The following NAV2 variants were observed in gnomAD, a reference collection of about 807,000 sequenced individuals.
The protein encoded by NAV2 is neuron navigator 2.
In NAV2, 54 loss-of-function variants were observed where a neutral mutation model predicts 223.2. The ratio of observed to expected loss-of-function variants is 0.24; its 90% CI spans 0.19 to 0.30. The LOEUF (loss-of-function observed/expected upper bound fraction) is 0.30. NAV2 is among the 10% of genes least tolerant of loss of function. The pLI is 1.00. For missense variants in NAV2, 2,806 were observed against 3,147.5 expected, an observed-to-expected ratio of 0.89 and a Z score of 2.60; for synonymous variants, 1,279 against 1,239.3, an observed-to-expected ratio of 1.03 and a Z score of -0.67.
intron 1 of NAV2, among the ~76,000 whole-genome samples, chr11:19,525,958 G>T (rs1268620528): frequency 6.6e-6 from 1 of 152,106 alleles, no homozygotes; most frequent in Non-Finnish European, 1.5e-5. Flanking sequence ...TCGGGGACAG[G>T]TCCCACCTCT....
intron 1 of NAV2, among the ~76,000 whole-genome samples, chr11:19,425,133 C>T (rs936462281): frequency 1.3e-5 from 2 of 152,020 alleles, no homozygotes; most frequent in Admixed American, 1.3e-4. Flanking sequence ...TGGCAAGGCT[C>T]ATTATAGAGG....
intron 1 of NAV2, among the ~76,000 whole-genome samples, chr11:19,589,388 A>T (rs1471183059): frequency 6.6e-6 from 1 of 152,220 alleles, no homozygotes; most frequent in African/African-American, 2.4e-5. Context: ...AGTGGTTACA[A>T]TTCGGAGTGA....
intron 22 of NAV2, among the ~76,000 whole-genome samples, chr11:20,077,012 G>A (rs564965446): frequency 1.3e-5 from 2 of 152,206 alleles, no homozygotes; most frequent in African/African-American, 4.8e-5. Flanking sequence ...AGCAAACTAC[G>A]CCAACCATTT....
At chr11:19,795,888 G>T (rs576169533) in intron 1 of NAV2, among the ~76,000 whole-genome samples, 34 of 152,274 alleles carry the variant, frequency 2.2e-4, no homozygotes, top group Admixed American at 1.9e-3. Context: ...GCATGGTTAG[G>T]CAATATATAC....
At chr11:19,831,190 A>C (rs1017848884) in intron 1 of NAV2, among the ~76,000 whole-genome samples, 2 of 113,718 alleles carry the variant, frequency 1.8e-5, no homozygotes, top group Non-Finnish European at 3.3e-5. Context: ...GGCAAACCTG[A>C]CCCCGGCTCC....
intron 28 of NAV2, among the ~76,000 whole-genome samples, chr11:20,092,664 A>G (rs925524006): frequency 6.6e-6 from 1 of 152,134 alleles, no homozygotes; most frequent in African/African-American, 2.4e-5. Context: ...TGCAAGCTGA[A>G]TGCTGTACAC....
intron 1 of NAV2, among the ~76,000 whole-genome samples, chr11:19,821,016 A>C (rs868364300): frequency 6.6e-6 from 1 of 152,208 alleles, no homozygotes; most frequent in South Asian, 2.1e-4. Flanking sequence ...TAATCCCAGC[A>C]CTTTGGGAGG....
At chr11:20,106,183 G>GTGTGTGTGTGTGTGTGTA (rs1394737236) in intron 35 of NAV2, among the ~76,000 whole-genome samples, 29 of 25,514 alleles carry the variant, frequency 1.1e-3, no homozygotes, top group Non-Finnish European at 2.6e-3. Context: ...ATATGTGTGT[G>GTGTGTGTGTGTGTGTGTA]TATATATATA....
chr11:19,431,163 G>A (rs573620484), intron 1 of NAV2, among the ~76,000 whole-genome samples: 28 of 152,290 alleles, frequency 1.8e-4, no homozygotes, highest in Middle Eastern at 3.4e-3. Context: ...TGGTCTGATG[G>A]TACCAGGGAT....
chr11:19,653,032 C>A (rs1182620919), intron 1 of NAV2, among the ~76,000 whole-genome samples: 3 of 152,106 alleles, frequency 2.0e-5, no homozygotes, highest in African/African-American at 7.2e-5. Context: ...CCACAGACCC[C>A]AACTATGAAC....
At chr11:19,690,549 A>C (rs892769645) in intron 1 of NAV2, among the ~76,000 whole-genome samples, 1 of 152,238 alleles carries the variant, frequency 6.6e-6, no homozygotes, top group African/African-American at 2.4e-5. Context: ...AACACGTAAT[A>C]AGTGCTCAAA....
intron 12 of NAV2, among the ~76,000 whole-genome samples, chr11:20,037,860 C>A (rs1231285225): frequency 6.6e-6 from 1 of 151,978 alleles, no homozygotes; most frequent in Non-Finnish European, 1.5e-5. Context: ...TTTCCTGAGG[C>A]TCATTGTATA....
At chr11:19,824,002 T>C (rs1049993828) in intron 1 of NAV2, among the ~76,000 whole-genome samples, 1 of 152,098 alleles carries the variant, frequency 6.6e-6, no homozygotes, top group Non-Finnish European at 1.5e-5. Context: ...AAAATCCCAG[T>C]GGAATTGTTT....
intron 3 of NAV2, among the ~76,000 whole-genome samples, chr11:19,862,117 T>C (rs181092395): frequency 6.6e-6 from 1 of 152,266 alleles, no homozygotes; most frequent in South Asian, 2.1e-4. Context: ...AATTTGAGAA[T>C]CTTGCTTTCA....
chr11:19,957,215 C>T (rs78388494), intron 10 of NAV2, among the ~76,000 whole-genome samples: 1 of 152,202 alleles, frequency 6.6e-6, no homozygotes, highest in African/African-American at 2.4e-5. Context: ...TGGGCCAGAT[C>T]CTGTCTAGGG....
At position 19,876,277 on chromosome 11, in the gene NAV2, C is replaced by T. The variant is rs192808544; in HGVS notation, c.512-3592C>T. ...TCTTGACCTTGTGATCTGCCTGCCT[C>T]GGCCTCCCAAAGTGCTGGGATTACA... On this transcript the variant is annotated intron_variant, in intron 4 of 37. Coordinates refer to ENST00000349880, the MANE Select transcript of NAV2 (RefSeq NM_145117.5). 6.6e-5 allele frequency among the ~76,000 whole-genome samples: 10 copies of T among 152,298 alleles called. No individual in the cohort carries two copies. The East Asian group carries it at 1.9e-3, about 29-fold the overall frequency.
chr11:19,830,062 T>A (rs2059846889), intron 1 of NAV2, among the ~76,000 whole-genome samples: 1 of 152,004 alleles, frequency 6.6e-6, no homozygotes, highest in Non-Finnish European at 1.5e-5. Context: ...TCATCTCTAC[T>A]AAAAATACAA....
chr11:20,071,509 C>G (rs2153644302), intron 22 of NAV2, among the ~76,000 whole-genome samples: 1 of 152,278 alleles, frequency 6.6e-6, no homozygotes, highest in South Asian at 2.1e-4. Context: ...AATGGTATTT[C>G]TAGTTCTAGA....
At chr11:19,353,197 CTGTG>C (rs1274018192) in intron 1 of NAV2, among the ~76,000 whole-genome samples, 1 of 152,148 alleles carries the variant, frequency 6.6e-6, no homozygotes, top group East Asian at 1.9e-4. Flanking sequence ...GCATTTCTGT[CTGTG>C]TGTAAGAGAT....
Sources: gnomAD v4.1 joint callset for allele counts (sites outside exome capture counted in the v4.1 genomes callset) on GRCh38, gnomAD v4.1.1 for gene constraint, MANE v1.5 for transcripts, NCBI Gene and HGNC (gene_info 2026-07-23, HGNC 2026-07-21) for gene names.